IGFN1: variants seen among roughly 807,000 people sequenced by gnomAD.
The protein encoded by IGFN1 is immunoglobulin-like and fibronectin type III domain-containing protein 1.
IGFN1 carries 253 observed loss-of-function variants against 289.5 expected under a neutral mutation model. The observed-to-expected ratio is 0.87, with a 90% CI of 0.79 to 0.97. The LOEUF (loss-of-function observed/expected upper bound fraction) is 0.97, where lower values mean the gene tolerates loss of function less well. IGFN1 is among the 50% of genes least tolerant of loss of function. The probability of loss-of-function intolerance (pLI) is 0.00; values close to 1 mark genes in which losing one functional copy is unlikely to be tolerated. For missense variants in IGFN1, 4,470 were observed against 4,686.1 expected (o/e 0.95, Z 1.35); for synonymous variants, 1,706 against 1,788.5 (o/e 0.95, Z 1.16).
chr1:201,191,876 A>T (rs1666671842), intron 1 of IGFN1, among the ~76,000 whole-genome samples: 1 of 151,948 alleles, frequency 6.6e-6, no homozygotes, highest in African/African-American at 2.4e-5. Context: ...GATGTGGGTG[A>T]CGATGGGGAT....
rs746400865 is a variant in IGFN1, at chr1:201,225,897, C to T, written c.10560C>T (p.Pro3520=). 2 of 1,612,390 alleles carry T rather than the reference C, an allele frequency of 1.2e-6. No homozygotes were observed. Among genetic ancestry groups the T allele is most frequent in the Non-Finnish European group, 1.7e-6 (2 of 1,179,342 alleles). The change falls in exon 22 of 24, where the codon CCC becomes CCT. Residue 3520 remains proline, a synonymous_variant. Transcript: ENST00000335211. ...GGACGGTGACGGCCGAGTGGGAACC[C>T]TCTCCTGACGAGGCCCAGGATGTCC... ...VPGTVTAEWE[P]SPDEAQDVPL... is the part of the protein sequence containing the mutation.
chr1:201,199,345 A>C lies in IGFN1; in HGVS notation c.379A>C (p.Lys127Gln), dbSNP rs1558134850. The change falls in exon 6 of 24, where the codon AAG (lysine) becomes CAG (glutamine). Residue 127 changes from lysine (K) to glutamine (Q), a missense_variant. Lys to Gln is a moderately conservative substitution (Grantham distance 53). Around this residue, in one of 8 missense-constraint regions of IGFN1, gnomAD observed 2,011 missense variants for 1,953.4 expected, o/e 1.03. Coordinates refer to ENST00000335211, the MANE Select transcript of IGFN1 (RefSeq NM_001164586.2). Reference protein sequence around the residue: ...RLTVIEVGFRKNRKRHREPQE... With the variant: ...RLTVIEVGFRQNRKRHREPQE... ...CCTGGATGTTGCAGTTGGCTTTCGG[A>C]AGAATCGGAAGAGGCACAGGGAACC... is the stretch of plus-strand genomic sequence containing the variant. 12 of 1,552,094 alleles carry C rather than the reference A, an allele frequency of 7.7e-6. No homozygotes were observed. The highest frequency in any genetic ancestry group is 1.0e-5 in the Non-Finnish European group (12 of 1,147,078).
chr1:201,213,268 G>A lies in IGFN1; in HGVS notation c.8375G>A (p.Gly2792Glu). The A allele has an allele frequency of 6.4e-7, 1 of 1,553,664 alleles. No individual in the cohort carries two copies. ...GAGAATGGTGAGGTCCAGGGTCCTG[G>A]GGCCCTAAAGGAGGATGAAGGGCAG... ...EAENGEVQGPGALKEDEGQGV... is the reference protein window; with the variant it reads ...EAENGEVQGPEALKEDEGQGV... Residue 2792 changes from glycine to glutamate, a missense_variant, in exon 12 of 24, where the codon GGG (glycine) becomes GAG (glutamate). Transcript: ENST00000335211.
In IGFN1 at chr1:201,215,716, T is replaced by C; in HGVS notation, c.9173T>C (p.Leu3058Pro). Residue 3058 changes from leucine to proline, a missense_variant, in exon 15 of 24, where the codon CTG becomes CCG. Physicochemically the swap from Leu to Pro is moderately conservative, Grantham distance 98. Around this residue, in one of 8 missense-constraint regions of IGFN1, gnomAD observed 2,218 missense variants for 2,114.1 expected, o/e 1.05. Coordinates refer to ENST00000335211, the MANE Select transcript of IGFN1 (RefSeq NM_001164586.2). ...GSSDREAQVDLGDGYTRLCLP... is the reference protein window; with the variant it reads ...GSSDREAQVDPGDGYTRLCLP... ...AGTGACAGGGAGGCCCAGGTGGACC[T>C]GGGGGATGGCTACACGCGGCTGTGC... 6.2e-7 allele frequency: 1 copy of C among 1,613,068 alleles called. No individual in the cohort carries two copies. Among genetic ancestry groups the C allele is most frequent in the Non-Finnish European group, 8.5e-7 (1 of 1,179,578 alleles).
At chr1:201,214,887 CAAT>C in intron 13 of IGFN1, 123 bp from the exon 14 acceptor site, 1 of 939,192 alleles carries the variant, frequency 1.1e-6, no homozygotes, top group East Asian at 2.6e-5. Flanking sequence ...CATTGGCACA[CAAT>C]AAGCATTCCA....
rs1341590885 is a variant in IGFN1 at position 201,228,678 on chromosome 1, G to A, written c.*279G>A. 17 of 514,264 alleles carry A rather than the reference G, an allele frequency of 3.3e-5. 1 individual carries two copies. Among genetic ancestry groups the A allele is most frequent in the Middle Eastern group, 5.2e-4 (1 of 1,926 alleles). 31.9% of individuals were successfully genotyped at this position (514,264 alleles called of 1,614,324 possible). On this transcript the variant is annotated 3_prime_UTR_variant, in exon 24 of 24. Coordinates refer to ENST00000335211, the MANE Select transcript of IGFN1 (RefSeq NM_001164586.2). The stretch of plus-strand genomic sequence containing the variant: ...CACCATATGGGTTTCTTTCTTCTTC[G>A]CTTCAGGAGATCCAGAGGGCACCTG...
In IGFN1 at chr1:201,195,927, C is replaced by T; in HGVS notation, c.216C>T (p.Ser72=). The T allele has an allele frequency of 6.4e-7, 1 of 1,551,834 alleles. No homozygotes were observed. Among genetic ancestry groups the T allele is most frequent in the Non-Finnish European group, 8.7e-7 (1 of 1,147,028 alleles). ...WQNSKGDLSD[S]SKYKISSSPG... ...ACTCCAAAGGTGACCTCAGTGATTCCAGCAAGTACAAGATCTCCTCCAGCC... is the reference window on the plus strand; with the variant it reads ...ACTCCAAAGGTGACCTCAGTGATTCTAGCAAGTACAAGATCTCCTCCAGCC... Residue 72 remains serine (S), a synonymous_variant, in exon 4 of 24, where the codon TCC becomes TCT. Coordinates refer to ENST00000335211, the MANE Select transcript of IGFN1 (RefSeq NM_001164586.2).
chr1:201,206,001 C>T lies in IGFN1; in HGVS notation c.1190-82C>T, dbSNP rs954161179. On this transcript the variant is annotated intron_variant, in intron 11 of 23. Transcript: ENST00000335211. ...GCTGGGCTCAGGCAGGTGCTTTGGC[C>T]GGATTTAACAGGAGTTTTGGTATTT... 3.3e-5 allele frequency: 34 copies of T among 1,044,250 alleles called. No homozygotes were observed. In the East Asian group the frequency reaches 5.5e-4, roughly 17 times the overall value. 64.7% of individuals were successfully genotyped at this position (1,044,250 alleles called of 1,614,324 possible). A position where few individuals can be genotyped will look rare whatever the true frequency, so the allele number is the denominator to read the frequency against.
Position 201,206,721 on chromosome 1 carries a change from C to A in IGFN1, c.1828C>A (p.Leu610Met), listed in dbSNP as rs746139358. The change falls in exon 12 of 24, where the codon CTG becomes ATG. Residue 610 changes from leucine (L) to methionine (M), a missense_variant. Physicochemically the swap from Leu to Met is conservative, Grantham distance 15. This residue lies in a region of IGFN1 where 2,011 missense variants were observed against 1,953.4 expected (regional missense o/e 1.03). Coordinates refer to ENST00000335211, the MANE Select transcript of IGFN1 (RefSeq NM_001164586.2). ...RLGPGRGKSD[L>M]QGCQSDPVGS... ...GGGACCTGGGAGAGGAAAGAGCGAC[C>A]TGCAGGGATGCCAGTCTGATCCTGT... is the stretch of plus-strand genomic sequence containing the variant. The A allele has an allele frequency of 3.3e-6, 5 of 1,536,784 alleles. No individual in the cohort carries two copies. Among genetic ancestry groups the A allele is most frequent in the East Asian group, 2.4e-5 (1 of 40,914 alleles).
At chr1:201,201,435 G>A (rs552745122) in intron 8 of IGFN1, among the ~76,000 whole-genome samples, 1 of 152,294 alleles carries the variant, frequency 6.6e-6, no homozygotes, top group South Asian at 2.1e-4. Flanking sequence ...CACGGTAGGT[G>A]TTCAACTAAT....
intron 1 of IGFN1, among the ~76,000 whole-genome samples, chr1:201,191,189 G>A (rs549842038): frequency 3.9e-5 from 6 of 152,284 alleles, no homozygotes; most frequent in Admixed American, 3.3e-4. Context: ...GGTGTGATAC[G>A]ATGACCAGAT....
chr1:201,204,250 G>A lies in IGFN1; in HGVS notation c.916+344G>A, dbSNP rs183038628. Among the ~76,000 whole-genome samples the A allele has an allele frequency of 2.0e-3, 302 of 151,828 alleles. 3 individuals carry two copies. The highest frequency in any genetic ancestry group is 0.018 in the Admixed American group (267 of 15,238). On this transcript the variant is annotated intron_variant, in intron 10 of 23. Coordinates refer to ENST00000335211, the MANE Select transcript of IGFN1 (RefSeq NM_001164586.2). ...CCTCTAGAACTCCTTTCTGTTGCATGTCCTCATCTCCCACAACACCCTAGC... is the reference window on the plus strand; with the variant it reads ...CCTCTAGAACTCCTTTCTGTTGCATATCCTCATCTCCCACAACACCCTAGC...
chr1:201,207,001 C>A lies in IGFN1; in HGVS notation c.2108C>A (p.Ala703Asp). The change falls in exon 12 of 24, where the codon GCT (alanine) becomes GAT (aspartate). Residue 703 changes from alanine (A) to aspartate (D), a missense_variant. Coordinates refer to ENST00000335211, the MANE Select transcript of IGFN1 (RefSeq NM_001164586.2). ...TGGGGTTCTCAGGGAGGTAGAGATG[C>A]TGACTATGGGGAAGCCAGGGGCTAC... ...ESWGSQGGRD[A>D]DYGEARGYWG... 6.5e-7 allele frequency: 1 copy of A among 1,536,340 alleles called. No individual in the cohort carries two copies. Among genetic ancestry groups the A allele is most frequent in the Middle Eastern group, 1.7e-4 (1 of 5,982 alleles).
chr1:201,214,487 G>T (rs1242966529), intron 13 of IGFN1, among the ~76,000 whole-genome samples, 186 bp downstream of exon 13: 2 of 152,150 alleles, frequency 1.3e-5, no homozygotes, highest in Non-Finnish European at 2.9e-5. Flanking sequence ...ATTTTTAAAT[G>T]ATGTGTATCC....
chr1:201,221,713 C>A lies in IGFN1; in HGVS notation c.10168C>A (p.Leu3390Met). The A allele has an allele frequency of 6.2e-7, 1 of 1,608,536 alleles. No homozygotes were observed. Among genetic ancestry groups the A allele is most frequent in the Non-Finnish European group, 8.5e-7 (1 of 1,176,956 alleles). ...NEGGQSQPSA[L>M]DTLVQAMPVT... ...AGGAGGCCAGAGCCAGCCCAGTGCC[C>A]TGGACACATTAGTGCAAGCCATGCC... The change falls in exon 19 of 24, where the codon CTG becomes ATG. Residue 3390 changes from leucine to methionine, a missense_variant. Physicochemically the swap from Leu to Met is conservative, Grantham distance 15. Transcript: ENST00000335211.
rs1185464095 is a variant in IGFN1 at position 201,211,708 on chromosome 1, T to G, written c.6815T>G (p.Leu2272Ter). Residue 2272 changes from leucine (L) to a stop codon, truncating the protein, a stop_gained, in exon 12 of 24, where the codon TTA becomes TGA. Transcript: ENST00000335211. LOFTEE classifies it high-confidence loss of function. ...SGSYTDYRNG[L>*]GSSGKISSGD... ...AGTTACACAGATTACAGGAATGGTT[T>G]AGGCAGTTCTGGAAAAATCAGTTCA... 6.5e-7 allele frequency: 1 copy of G among 1,536,878 alleles called. No individual in the cohort carries two copies. The highest frequency in any genetic ancestry group is 8.7e-7 in the Non-Finnish European group (1 of 1,146,818).
intron 1 of IGFN1, among the ~76,000 whole-genome samples, 199 bp from the exon 2 acceptor site, chr1:201,193,048 G>C (rs984866071): frequency 1.3e-5 from 2 of 152,038 alleles, no homozygotes; most frequent in African/African-American, 4.8e-5. Flanking sequence ...CCCACTCCCT[G>C]GTCTCTGGGA....
rs61743921 is a variant in IGFN1, at chr1:201,215,750, C to A, written c.9207C>A (p.Ser3069Arg). Reference protein sequence around the residue: ...GDGYTRLCLPSAGRKDCGQYS... With the variant: ...GDGYTRLCLPRAGRKDCGQYS... ...GCTACACGCGGCTGTGCCTCCCCAG[C>A]GCAGGCAGGAAGGACTGTGGCCAGT... Residue 3069 changes from serine to arginine, a missense_variant, in exon 15 of 24, where the codon AGC (serine) becomes AGA (arginine). Physicochemically the swap from Ser to Arg is moderately radical, Grantham distance 110 (BLOSUM62 -1). This residue lies in a region of IGFN1 where 2,218 missense variants were observed against 2,114.1 expected (regional missense o/e 1.05). Coordinates refer to ENST00000335211, the MANE Select transcript of IGFN1 (RefSeq NM_001164586.2). 0.06 allele frequency: 95,767 copies of A among 1,608,666 alleles called. 3,220 individuals carry two copies. The highest frequency in any genetic ancestry group is 0.067 in the Non-Finnish European group (79,008 of 1,177,086).
chr1:201,207,277 A>T lies in IGFN1; in HGVS notation c.2384A>T (p.Asp795Val). 1.3e-6 allele frequency: 2 copies of T among 1,536,794 alleles called. No individual in the cohort carries two copies. Among genetic ancestry groups the T allele is most frequent in the East Asian group, 4.9e-5 (2 of 40,912 alleles). Residue 795 changes from aspartate (D) to valine (V), a missense_variant, in exon 12 of 24, where the codon GAT becomes GTT. Coordinates refer to ENST00000335211, the MANE Select transcript of IGFN1 (RefSeq NM_001164586.2). ...EGVLQELRGR[D>V]GQETAWASGE... ...GTCCTACAGGAGCTCAGGGGAAGGG[A>T]TGGCCAGGAAACAGCTTGGGCCTCG...
Sources: allele counts gnomAD v4.1 joint callset (sites outside exome capture counted in the v4.1 genomes callset), GRCh38; gene constraint gnomAD v4.1.1; regional missense constraint gnomAD v4.1.1; transcripts MANE v1.5; gene names NCBI Gene and HGNC (gene_info 2026-07-23, HGNC 2026-07-21).